The following TRAPPC3 variants were observed in gnomAD, a reference collection of about 807,000 sequenced individuals.
TRAPPC3 encodes trafficking protein particle complex subunit 3, also known as trafficking protein particle complex 3.
A neutral mutation model predicts 18.2 loss-of-function variants in TRAPPC3; 5 were observed. The ratio of observed to expected loss-of-function variants is 0.28; its 90% CI spans 0.14 to 0.58. TRAPPC3 has a LOEUF of 0.58. TRAPPC3 is among the 20% of genes least tolerant of loss of function. The probability of loss-of-function intolerance (pLI) is 0.91; values close to 1 mark genes in which losing one functional copy is unlikely to be tolerated. For missense variants in TRAPPC3, 176 were observed against 225.9 expected (o/e 0.78, Z 1.41); for synonymous variants, 65 against 84.2 (o/e 0.77, Z 1.25).
intron 1 of TRAPPC3, among the ~76,000 whole-genome samples, chr1:36,147,410 G>A (rs1319738311): frequency 6.6e-6 from 1 of 151,752 alleles, no homozygotes; most frequent in African/African-American, 2.4e-5. Flanking sequence ...GAGTTGGAGG[G>A]ACTGCTTGAG....
chr1:36,142,936 G>A (rs1644138612), intron 1 of TRAPPC3, among the ~76,000 whole-genome samples: 1 of 152,184 alleles, frequency 6.6e-6, no homozygotes, highest in African/African-American at 2.4e-5. Context: ...GGAGGCTGAG[G>A]CGGGAGGATG....
intron 1 of TRAPPC3, among the ~76,000 whole-genome samples, chr1:36,145,932 C>T (rs1331995813): frequency 2.0e-5 from 3 of 151,244 alleles, no homozygotes; most frequent in Non-Finnish European, 4.4e-5. Context: ...CGCCACCACG[C>T]CCGGCTAACT....
chr1:36,145,952 G>C (rs938313882), intron 1 of TRAPPC3, among the ~76,000 whole-genome samples: 9 of 145,050 alleles, frequency 6.2e-5, no homozygotes, highest in African/African-American at 1.5e-4. Flanking sequence ...TTTTTTTTTT[G>C]TATTTTTAGT....
chr1:36,151,987 C>G (rs1015703015), upstream of TRAPPC3, among the ~76,000 whole-genome samples: 42 of 152,170 alleles, frequency 2.8e-4, 1 homozygote, highest in Non-Finnish European at 1.6e-4. Flanking sequence ...GTTAGAGACC[C>G]CGTGTTGCTG....
intron 1 of TRAPPC3, among the ~76,000 whole-genome samples, chr1:36,142,564 T>C (rs1235919903): frequency 6.6e-6 from 1 of 152,220 alleles, no homozygotes; most frequent in Non-Finnish European, 1.5e-5. Context: ...TGGACAGATC[T>C]GTTGGTGGTC....
At chr1:36,148,836 C>G (rs1017842016) in intron 1 of TRAPPC3, among the ~76,000 whole-genome samples, 5 of 152,124 alleles carry the variant, frequency 3.3e-5, no homozygotes, top group African/African-American at 9.7e-5. Context: ...CGCCACAGTA[C>G]GAGACACTGT....
intron 3 of TRAPPC3, chr1:36,138,254 A>G: frequency 6.5e-7 from 1 of 1,538,918 alleles, no homozygotes; most frequent in Non-Finnish European, 8.7e-7. Context: ...ACAAGTAAGC[A>G]ACAACTCACT....
At chr1:36,151,325 C>A (rs1292184538), upstream of TRAPPC3, among the ~76,000 whole-genome samples, 1 of 152,062 alleles carries the variant, frequency 6.6e-6, no homozygotes, top group Non-Finnish European at 1.5e-5. Flanking sequence ...GAGTTTGAGA[C>A]CAGCCTGGGC....
At chr1:36,138,169 C>CG (rs1557756814) in intron 3 of TRAPPC3, 191 bp from the exon 4 acceptor site, 9 of 1,551,088 alleles carry the variant, frequency 5.8e-6, no homozygotes, top group Admixed American at 3.9e-5. Flanking sequence ...CTCTCCTTCA[C>CG]GGCATCATAC....
upstream of TRAPPC3, among the ~76,000 whole-genome samples, chr1:36,152,996 C>A (rs1644283106): frequency 6.6e-6 from 1 of 152,150 alleles, no homozygotes; most frequent in African/African-American, 2.4e-5. Context: ...CTTCCCCCAG[C>A]CCCAGCCCAA....
At chr1:36,142,346 T>C (rs1644129626) in intron 1 of TRAPPC3, among the ~76,000 whole-genome samples, 1 of 152,168 alleles carries the variant, frequency 6.6e-6, no homozygotes, top group African/African-American at 2.4e-5. Flanking sequence ...CATGAATGGA[T>C]GGAAACAATC....
intron 3 of TRAPPC3, 95 bp downstream of exon 3, chr1:36,139,625 A>G: frequency 6.6e-7 from 1 of 1,517,994 alleles, no homozygotes; most frequent in Non-Finnish European, 8.9e-7. Flanking sequence ...GTCTTTTGGG[A>G]GATTAAAGGC....
intron 2 of TRAPPC3, 74 bp downstream of exon 2, chr1:36,139,995 G>T: frequency 6.8e-7 from 1 of 1,468,500 alleles, no homozygotes; most frequent in Non-Finnish European, 9.2e-7. Flanking sequence ...CCTGTTTTAA[G>T]CTCTAAAGGA....
intron 2 of TRAPPC3, 44 bp downstream of exon 2, chr1:36,140,025 T>G (rs760956575): frequency 6.5e-7 from 1 of 1,527,932 alleles, no homozygotes; most frequent in South Asian, 1.3e-5. Flanking sequence ...CTCAGTGTGC[T>G]GGGAGGCCCC....
chr1:36,155,066 AG>A (rs923783601), intron 1 of TRAPPC3, among the ~76,000 whole-genome samples: 2 of 152,212 alleles, frequency 1.3e-5, no homozygotes, highest in Non-Finnish European at 1.5e-5. Context: ...ACTGGAGGGA[AG>A]GGGGGCAAGG....
At chr1:36,148,566 C>A (rs1377489314) in intron 1 of TRAPPC3, among the ~76,000 whole-genome samples, 2 of 147,192 alleles carry the variant, frequency 1.4e-5, no homozygotes, top group Non-Finnish European at 3.0e-5. Flanking sequence ...CTGCACTCCA[C>A]CCCGGGTGAC....
In TRAPPC3 at chr1:36,137,330, A is replaced by G. The variant is rs1190398824; in HGVS notation, c.424-8T>C. ...CTCCACAGCCATCTGGACCTGGGGG[A>G]CAGTGGGAAAACGAAGGGGTAGCTG... On this transcript the variant is annotated splice_polypyrimidine_tract_variant and splice_region_variant and intron_variant, in intron 4 of 4. Coordinates refer to ENST00000373166, the MANE Select transcript of TRAPPC3 (RefSeq NM_014408.5). 1 of 1,606,502 alleles carries G rather than the reference A, an allele frequency of 6.2e-7. No homozygotes were observed.
upstream of TRAPPC3, among the ~76,000 whole-genome samples, chr1:36,150,393 T>C (rs902031026): frequency 9.9e-5 from 15 of 152,198 alleles, no homozygotes; most frequent in South Asian, 4.1e-4. Context: ...GGGAAGTCTA[T>C]AGTCCCTGAC....
At chr1:36,153,013 G>A (rs778202389), upstream of TRAPPC3, among the ~76,000 whole-genome samples, 4 of 152,156 alleles carry the variant, frequency 2.6e-5, no homozygotes, top group Admixed American at 6.5e-5. Flanking sequence ...CCAACCTTGC[G>A]GTGAAAGGAA....
Sources: allele counts gnomAD v4.1 joint callset (sites outside exome capture counted in the v4.1 genomes callset), GRCh38; gene constraint gnomAD v4.1.1; transcripts MANE v1.5; gene names NCBI Gene and HGNC (gene_info 2026-07-23, HGNC 2026-07-21).